WAC: variants seen among roughly 807,000 people sequenced by gnomAD.
WAC encodes WW domain-containing adapter protein with coiled-coil.
Under a neutral mutation model 79.6 loss-of-function variants are expected in WAC, and 11 were observed. That is an observed-to-expected ratio of 0.14 (90% CI 0.09 to 0.23). The LOEUF is 0.23. Ranked by LOEUF, WAC falls within the 10% of genes least tolerant of loss-of-function variation. The pLI, the probability that WAC is intolerant of heterozygous loss-of-function variation, is 1.00. For missense variants in WAC, 728 were observed against 773.5 expected (o/e 0.94, Z 0.70); for synonymous variants, 304 against 276.9 (o/e 1.10, Z -0.97).
At chr10:28,545,445 A>G (rs1030322265) in intron 3 of WAC, among the ~76,000 whole-genome samples, 1 of 152,184 alleles carries the variant, frequency 6.6e-6, no homozygotes, top group Non-Finnish European at 1.5e-5. Context: ...ACGCCATTAC[A>G]TTCCACCCTG....
At chr10:28,611,608 G>A in intron 9 of WAC, 166 bp from the exon 10 acceptor site, 1 of 1,236,066 alleles carries the variant, frequency 8.1e-7, no homozygotes, top group Middle Eastern at 2.6e-4. Flanking sequence ...GTGTGGCCCA[G>A]TGAGAAGGTC....
intron 6 of WAC, among the ~76,000 whole-genome samples, chr10:28,594,605 C>T (rs1024655727): frequency 6.6e-6 from 1 of 151,818 alleles, no homozygotes; most frequent in Non-Finnish European, 1.5e-5. Flanking sequence ...TGTGGTGTAC[C>T]ATGTAGTGGT....
chr10:28,600,047 G>C (rs1367109988), intron 7 of WAC, among the ~76,000 whole-genome samples: 1 of 152,148 alleles, frequency 6.6e-6, no homozygotes, highest in Non-Finnish European at 1.5e-5. Flanking sequence ...CTTATTGTTT[G>C]CTATGACCAA....
intron 3 of WAC, among the ~76,000 whole-genome samples, chr10:28,552,844 G>GTTT (rs1837756390): frequency 2.2e-5 from 2 of 92,996 alleles, no homozygotes; most frequent in African/African-American, 4.5e-5. Flanking sequence ...CCACTTGGCT[G>GTTT]CTTTTTTTTT....
At chr10:28,545,041 A>G (rs902222026) in intron 3 of WAC, among the ~76,000 whole-genome samples, 35 of 11,612 alleles carry the variant, frequency 3.0e-3, no homozygotes, top group Non-Finnish European at 4.9e-3. Flanking sequence ...ACTCTGTCTC[A>G]AAAAAAAAAA....
intron 8 of WAC, among the ~76,000 whole-genome samples, chr10:28,609,926 CTTTTTTTT>C (rs35905966): frequency 8.6e-6 from 1 of 115,678 alleles, no homozygotes; most frequent in Non-Finnish European, 1.7e-5. Context: ...TTCCTAAATA[CTTTTTTTT>C]TTTTTTTTTT....
At chr10:28,569,152 A>G (rs531397276) in intron 3 of WAC, among the ~76,000 whole-genome samples, 1 of 152,222 alleles carries the variant, frequency 6.6e-6, no homozygotes, top group South Asian at 2.1e-4. Flanking sequence ...CTATAAGGAG[A>G]CTCACCTTTT....
intron 7 of WAC, among the ~76,000 whole-genome samples, chr10:28,602,059 A>G (rs1840672335): frequency 6.6e-6 from 1 of 152,214 alleles, no homozygotes; most frequent in Non-Finnish European, 1.5e-5. Flanking sequence ...ATACTTTACC[A>G]GGGTAAAAAC....
At chr10:28,534,281 C>T (rs959775179) in intron 2 of WAC, 8 of 429,816 alleles carry the variant, frequency 1.9e-5, no homozygotes, top group African/African-American at 1.7e-4. Context: ...TCATTTGCAG[C>T]CAGAAAGACC....
chr10:28,605,335 C>G (rs1383000764), intron 7 of WAC, among the ~76,000 whole-genome samples: 1 of 152,172 alleles, frequency 6.6e-6, no homozygotes, highest in Non-Finnish European at 1.5e-5. Flanking sequence ...TTAGATATGC[C>G]CAGGCTTCCG....
chr10:28,571,673 A>T (rs1838974901), intron 3 of WAC, among the ~76,000 whole-genome samples: 1 of 152,122 alleles, frequency 6.6e-6, no homozygotes. Flanking sequence ...GCTCATTTTC[A>T]CTCCTTTTCA....
At chr10:28,553,956 C>T (rs1937451618) in intron 3 of WAC, among the ~76,000 whole-genome samples, 1 of 152,146 alleles carries the variant, frequency 6.6e-6, no homozygotes, top group Admixed American at 6.6e-5. Flanking sequence ...GCAGCCTCCA[C>T]CTCCCAGGTT....
At chr10:28,618,300 T>TA (rs1407241662) in intron 13 of WAC, among the ~76,000 whole-genome samples, 1 of 152,224 alleles carries the variant, frequency 6.6e-6, no homozygotes, top group Non-Finnish European at 1.5e-5. Context: ...TTTTAATGCC[T>TA]ATTACAGAAT....
At chr10:28,568,739 G>A (rs1267821592) in intron 3 of WAC, among the ~76,000 whole-genome samples, 1 of 151,910 alleles carries the variant, frequency 6.6e-6, no homozygotes, top group African/African-American at 2.4e-5. Context: ...TTCCCCTTAT[G>A]TCAGGCTTAT....
chr10:28,563,261 A>G (rs1838396873), intron 3 of WAC, among the ~76,000 whole-genome samples: 1 of 152,162 alleles, frequency 6.6e-6, no homozygotes, highest in African/African-American at 2.4e-5. Flanking sequence ...CTAGTTGGGA[A>G]GATTAGTAAT....
chr10:28,577,674 C>G (rs920896641), intron 3 of WAC, among the ~76,000 whole-genome samples: 1 of 152,130 alleles, frequency 6.6e-6, no homozygotes, highest in African/African-American at 2.4e-5. Context: ...TGGGAAGGTA[C>G]TGACCTGTAG....
At chr10:28,592,957 CAAAT>C in intron 6 of WAC, among the ~76,000 whole-genome samples, 1 of 152,176 alleles carries the variant, frequency 6.6e-6, no homozygotes, top group East Asian at 1.9e-4. Context: ...CCTTCATTGA[CAAAT>C]AATCCCCTAT....
intron 7 of WAC, among the ~76,000 whole-genome samples, chr10:28,601,870 G>A (rs1486009856): frequency 6.6e-6 from 1 of 152,184 alleles, no homozygotes. Context: ...AACTGGAATA[G>A]TAGTTACCAG....
chr10:28,615,811 C>A, intron 11 of WAC: 1 of 169,322 alleles, frequency 5.9e-6, no homozygotes, highest in Admixed American at 6.0e-5. Context: ...TATATTTTCC[C>A]CTTATCTAGA....
Sources: allele counts gnomAD v4.1 joint callset (sites outside exome capture counted in the v4.1 genomes callset), GRCh38; gene constraint gnomAD v4.1.1; transcripts MANE v1.5; gene names NCBI Gene and HGNC (gene_info 2026-07-23, HGNC 2026-07-21).